The following NKAIN2 variants were observed in gnomAD, a reference collection of about 807,000 sequenced individuals.
NKAIN2 encodes the protein sodium/potassium transporting ATPase interacting 2.
A neutral mutation model predicts 32.6 loss-of-function variants in NKAIN2; 14 were observed. The observed-to-expected ratio is 0.43, with a 90% CI of 0.28 to 0.67. NKAIN2 has a LOEUF of 0.67. Ranked by LOEUF, NKAIN2 falls within the 30% of genes least tolerant of loss-of-function variation. NKAIN2 has a pLI of 0.17. For synonymous variants in NKAIN2, 80 were observed against 87.2 expected, an observed-to-expected ratio of 0.92 and a Z score of 0.46; for missense variants, 198 against 258.3, an observed-to-expected ratio of 0.77 and a Z score of 1.60.
intron 3 of NKAIN2, among the ~76,000 whole-genome samples, chr6:124,522,870 G>T (rs1257163586): frequency 6.6e-6 from 1 of 151,948 alleles, no homozygotes; most frequent in Non-Finnish European, 1.5e-5. Flanking sequence ...TTGGCCGGGC[G>T]CGGTGGCTCA....
At chr6:124,564,469 G>A (rs577683090) in intron 3 of NKAIN2, among the ~76,000 whole-genome samples, 3 of 124,820 alleles carry the variant, frequency 2.4e-5, no homozygotes, top group Non-Finnish European at 5.5e-5. Flanking sequence ...ACAAATAAGA[G>A]AATAAAAGCT....
chr6:124,160,546 CAT>C (rs1366831184), intron 1 of NKAIN2, among the ~76,000 whole-genome samples: 7 of 152,070 alleles, frequency 4.6e-5, no homozygotes, highest in Non-Finnish European at 8.8e-5. Context: ...AAATATTTAA[CAT>C]ATGTTTTGCA....
chr6:124,523,158 A>AG (rs1466173394), intron 3 of NKAIN2, among the ~76,000 whole-genome samples: 6 of 148,028 alleles, frequency 4.1e-5, no homozygotes, highest in Non-Finnish European at 7.5e-5. Flanking sequence ...AAAAAAAAGA[A>AG]AAAAGATCTT....
At chr6:124,490,504 C>A in intron 3 of NKAIN2, 1 of 334,406 alleles carries the variant, frequency 3.0e-6, no homozygotes, top group South Asian at 2.6e-5. Context: ...GTGAAAAATG[C>A]ATTTAAATAC....
At chr6:124,337,529 A>C (rs1212592465) in intron 2 of NKAIN2, among the ~76,000 whole-genome samples, 1 of 152,182 alleles carries the variant, frequency 6.6e-6, no homozygotes, top group African/African-American at 2.4e-5. Flanking sequence ...CAAATAAAAA[A>C]ACAACAATAA....
intron 1 of NKAIN2, among the ~76,000 whole-genome samples, chr6:124,009,296 A>C (rs745898462): frequency 2.6e-5 from 4 of 152,104 alleles, no homozygotes; most frequent in Non-Finnish European, 5.9e-5. Context: ...TCATTTATCT[A>C]GCCACCTTGC....
intron 1 of NKAIN2, among the ~76,000 whole-genome samples, chr6:124,054,923 A>C (rs1209850269): frequency 6.6e-6 from 1 of 152,078 alleles, no homozygotes; most frequent in Non-Finnish European, 1.5e-5. Flanking sequence ...CCTGACTTAT[A>C]TAATGACCAA....
At chr6:124,491,614 G>C (rs902923822) in intron 3 of NKAIN2, among the ~76,000 whole-genome samples, 3 of 151,776 alleles carry the variant, frequency 2.0e-5, no homozygotes, top group African/African-American at 7.2e-5. Flanking sequence ...CTAGTTATGT[G>C]TCCTGAAGGT....
At chr6:124,234,052 T>C (rs188636536) in intron 1 of NKAIN2, among the ~76,000 whole-genome samples, 46 of 152,304 alleles carry the variant, frequency 3.0e-4, no homozygotes, top group Non-Finnish European at 5.7e-4. Context: ...TGGATCTATG[T>C]ACCTCAGACA....
intron 1 of NKAIN2, among the ~76,000 whole-genome samples, chr6:124,272,208 AG>A: frequency 6.6e-6 from 1 of 152,326 alleles, no homozygotes; most frequent in Admixed American, 6.5e-5. Context: ...GCCATGTCAG[AG>A]GTCTTTACGC....
rs967242148 is a variant in NKAIN2, at chr6:124,286,509, G to A, written c.192+3367G>A. 3.3e-5 allele frequency among the ~76,000 whole-genome samples: 5 copies of A among 151,954 alleles called. No homozygotes were observed. The East Asian group carries it at 7.7e-4, about 24-fold the overall frequency. On this transcript the variant is annotated intron_variant, in intron 2 of 6. Transcript: ENST00000368417. ...TTCACTGCACTCTTGCTAACCCTGT[G>A]TATTATCTGTTCTCATAGTTGTTAA...
intron 1 of NKAIN2, among the ~76,000 whole-genome samples, chr6:124,147,598 A>G (rs1251364909): frequency 6.6e-6 from 1 of 152,148 alleles, no homozygotes; most frequent in East Asian, 1.9e-4. Context: ...TAATTAGGTA[A>G]TGTCTTCAAC....
chr6:123,989,522 C>A (rs1023359089), intron 1 of NKAIN2, among the ~76,000 whole-genome samples: 2 of 152,110 alleles, frequency 1.3e-5, no homozygotes, highest in Non-Finnish European at 2.9e-5. Context: ...AAGTATTAGT[C>A]ATCCATAGCA....
chr6:124,067,959 G>A (rs1783271017), intron 1 of NKAIN2, among the ~76,000 whole-genome samples: 1 of 152,174 alleles, frequency 6.6e-6, no homozygotes, highest in African/African-American at 2.4e-5. Flanking sequence ...TGACAGTAGT[G>A]TATACCCAGC....
chr6:124,539,722 ATTTG>A (rs1368024368), intron 3 of NKAIN2, among the ~76,000 whole-genome samples: 26 of 151,998 alleles, frequency 1.7e-4, no homozygotes, highest in East Asian at 1.2e-3. Flanking sequence ...TTGTTTGTTC[ATTTG>A]TTTGTTTGTT....
intron 2 of NKAIN2, among the ~76,000 whole-genome samples, chr6:124,352,883 T>A (rs1798794053): frequency 6.6e-6 from 1 of 152,136 alleles, no homozygotes; most frequent in African/African-American, 2.4e-5. Context: ...CTTCTCAAAT[T>A]CCATATTTTG....
intron 3 of NKAIN2, among the ~76,000 whole-genome samples, chr6:124,418,351 A>G (rs1057310359): frequency 6.6e-6 from 1 of 152,004 alleles, no homozygotes; most frequent in African/African-American, 2.4e-5. Context: ...TGTATGACAT[A>G]GGTCGGGTCT....
intron 1 of NKAIN2, among the ~76,000 whole-genome samples, chr6:123,836,442 A>G (rs1774625780): frequency 6.6e-6 from 1 of 152,100 alleles, no homozygotes; most frequent in South Asian, 2.1e-4. Flanking sequence ...ATTCTTCCCC[A>G]AAATCTATAG....
intron 1 of NKAIN2, among the ~76,000 whole-genome samples, chr6:123,902,620 C>G (rs1218217988): frequency 1.3e-5 from 2 of 152,128 alleles, no homozygotes; most frequent in Non-Finnish European, 2.9e-5. Context: ...TTAGTACCAT[C>G]TTGAATCTCA....
Sources: allele counts gnomAD v4.1 joint callset (sites outside exome capture counted in the v4.1 genomes callset), GRCh38; gene constraint gnomAD v4.1.1; transcripts MANE v1.5; gene names NCBI Gene and HGNC (gene_info 2026-07-23, HGNC 2026-07-21).